POLK: variants seen among roughly 807,000 people sequenced by gnomAD.
POLK encodes polymerase (DNA directed) kappa.
POLK carries 76 observed loss-of-function variants against 94.0 expected under a neutral mutation model. That is an observed-to-expected ratio of 0.81 (90% CI 0.67 to 0.98). The LOEUF (loss-of-function observed/expected upper bound fraction) is 0.98. Among genes scored for constraint, POLK ranks in the 50% least tolerant of loss-of-function variants. POLK has a pLI of 0.00. For synonymous variants in POLK, 349 were observed against 325.4 expected (o/e 1.07, Z -0.78); for missense variants, 954 against 1,010.1 (o/e 0.94, Z 0.75).
chr5:75,532,879 G>A (rs1386294097), intron 1 of POLK, among the ~76,000 whole-genome samples: 1 of 152,144 alleles, frequency 6.6e-6, no homozygotes, highest in Non-Finnish European at 1.5e-5. Context: ...CCACGTGTAT[G>A]TCTTCTTTTG....
intron 1 of POLK, among the ~76,000 whole-genome samples, chr5:75,540,042 G>A (rs1213968348): frequency 6.6e-6 from 1 of 152,174 alleles, no homozygotes; most frequent in Non-Finnish European, 1.5e-5. Flanking sequence ...AGGAGCAGTG[G>A]ATCAAGAAAC....
chr5:75,527,071 G>A (rs1768895801), intron 1 of POLK, among the ~76,000 whole-genome samples: 1 of 152,142 alleles, frequency 6.6e-6, no homozygotes, highest in African/African-American at 2.4e-5. Flanking sequence ...GATATGAATG[G>A]TAGTGAAAGA....
chr5:75,511,094 G>T (rs769195277), upstream of POLK: 3 of 1,531,088 alleles, frequency 2.0e-6, no homozygotes, highest in Non-Finnish European at 2.6e-6. Context: ...GGGTCCCTTG[G>T]CACCAGGGGT....
At chr5:75,546,884 G>A in intron 1 of POLK, 126 bp from the exon 2 acceptor site, 1 of 426,662 alleles carries the variant, frequency 2.3e-6, no homozygotes, top group South Asian at 7.1e-5. Context: ...CCAGGCTGGT[G>A]TCGAACCCCT....
In POLK at chr5:75,576,909, A is replaced by G. The variant is rs149274390; in HGVS notation, c.670A>G (p.Lys224Glu). Reference sequence around the variant, plus strand: ...TGAGGATAAAAGAAGGTATTTCATCAAAATGGGAAGCTCTGTAGAAAATGG... The same window carrying G: ...TGAGGATAAAAGAAGGTATTTCATCGAAATGGGAAGCTCTGTAGAAAATGG... Residue 224 changes from lysine (K) to glutamate (E), a missense_variant, in exon 6 of 15, where the codon AAA becomes GAA. Lys to Glu is a moderately conservative substitution (Grantham distance 56). Coordinates refer to ENST00000241436, the Ensembl canonical transcript of POLK. 6 of 1,571,936 alleles carry G rather than the reference A, an allele frequency of 3.8e-6. No homozygotes were observed. The African/African-American group carries it at 8.3e-5, about 22-fold the overall frequency.
intron 1 of POLK, among the ~76,000 whole-genome samples, chr5:75,539,569 T>C (rs919403785): frequency 1.3e-5 from 2 of 152,140 alleles, no homozygotes; most frequent in Admixed American, 1.3e-4. Context: ...TATCATGGTT[T>C]ACTGCAGCCT....
At chr5:75,603,483 G>A (rs1212698537), downstream of POLK, among the ~76,000 whole-genome samples, 1 of 151,284 alleles carries the variant, frequency 6.6e-6, no homozygotes, top group African/African-American at 2.4e-5. Flanking sequence ...AGATTTAGCA[G>A]TGGAATGAGT....
At chr5:75,582,182 G>A (rs1772227725) in intron 7 of POLK, 2 of 967,032 alleles carry the variant, frequency 2.1e-6, no homozygotes, top group Non-Finnish European at 2.5e-6. Flanking sequence ...TCTGGTAAAA[G>A]GAAAAACAAA....
rs370186720 is a variant in POLK at position 75,569,570 on chromosome 5, C to T, written c.408+78C>T. On this transcript the variant is annotated intron_variant, in intron 4 of 14. Transcript: ENST00000241436. ...TTTACTGTTTCATGAAGGGGGAATT[C>T]TTTATTGAGGTCTACCAGTTTGCTG... 1.1e-5 allele frequency: 13 copies of T among 1,228,624 alleles called. No individual in the cohort carries two copies. The South Asian group carries it at 1.8e-4, about 17-fold the overall frequency. The allele number at this position is 1,228,624 out of a possible 1,614,324, so 76.1% of individuals were successfully genotyped here. A position where few individuals can be genotyped will look rare whatever the true frequency, so the allele number is the denominator to read the frequency against.
At chr5:75,533,779 T>C (rs1032571140) in intron 1 of POLK, among the ~76,000 whole-genome samples, 1 of 152,234 alleles carries the variant, frequency 6.6e-6, no homozygotes, top group Admixed American at 6.5e-5. Flanking sequence ...CAGTGTTTTT[T>C]AATTCTCATT....
At chr5:75,584,169 A>T (rs1772342117) in intron 8 of POLK, among the ~76,000 whole-genome samples, 1 of 152,164 alleles carries the variant, frequency 6.6e-6, no homozygotes, top group Non-Finnish European at 1.5e-5. Context: ...TGTACCATTG[A>T]TGTGTCACTA....
At chr5:75,541,541 A>G (rs1769742424) in intron 1 of POLK, among the ~76,000 whole-genome samples, 1 of 152,194 alleles carries the variant, frequency 6.6e-6, no homozygotes, top group Non-Finnish European at 1.5e-5. Flanking sequence ...AAAAAGGAGA[A>G]AGGCAGTAGA....
At chr5:75,517,124 CAG>C (rs930822856) in intron 1 of POLK, among the ~76,000 whole-genome samples, 1 of 152,142 alleles carries the variant, frequency 6.6e-6, no homozygotes, top group Non-Finnish European at 1.5e-5. Flanking sequence ...TTTGGCTATT[CAG>C]AGTCTTTTTG....
intron 1 of POLK, among the ~76,000 whole-genome samples, chr5:75,524,461 C>T (rs1168293505): frequency 6.6e-6 from 1 of 152,154 alleles, no homozygotes; most frequent in Non-Finnish European, 1.5e-5. Context: ...TCTGTTTAAA[C>T]ATGTGGAATA....
At chr5:75,529,973 C>CTA (rs1769072971) in intron 1 of POLK, among the ~76,000 whole-genome samples, 1 of 152,138 alleles carries the variant, frequency 6.6e-6, no homozygotes, top group African/African-American at 2.4e-5. Context: ...CATGAAATGG[C>CTA]TAACAACAAC....
intron 3 of POLK, among the ~76,000 whole-genome samples, chr5:75,565,168 A>G (rs553526660): frequency 5.1e-4 from 77 of 152,164 alleles, no homozygotes; most frequent in African/African-American, 1.6e-3. Context: ...CGCTTGATCA[A>G]TTCAGCTATT....
intron 11 of POLK, among the ~76,000 whole-genome samples, chr5:75,590,669 T>G (rs1418535935): frequency 6.6e-6 from 1 of 152,180 alleles, no homozygotes; most frequent in Non-Finnish European, 1.5e-5. Context: ...AATAGAGTGG[T>G]TCAGTATAAT....
intron 1 of POLK, among the ~76,000 whole-genome samples, chr5:75,529,736 T>C (rs1317749864): frequency 6.6e-6 from 1 of 152,140 alleles, no homozygotes; most frequent in Non-Finnish European, 1.5e-5. Context: ...TTGTAATATA[T>C]ATATAAACAT....
intron 1 of POLK, among the ~76,000 whole-genome samples, chr5:75,515,109 A>G (rs1768262368): frequency 6.6e-6 from 1 of 152,184 alleles, no homozygotes; most frequent in Non-Finnish European, 1.5e-5. Flanking sequence ...CGCATAAATA[A>G]TTTAAATGAT....
Sources: allele counts gnomAD v4.1 joint callset (sites outside exome capture counted in the v4.1 genomes callset), GRCh38; gene constraint gnomAD v4.1.1; transcripts MANE v1.5; gene names NCBI Gene and HGNC (gene_info 2026-07-23, HGNC 2026-07-21).